Variants in NBPF9 observed in about 807,000 individuals in gnomAD.
NBPF9 encodes NBPF family member NBPF9.
NBPF9 carries 91 observed loss-of-function variants against 97.8 expected under a neutral mutation model. That is an observed-to-expected ratio of 0.93 (90% CI 0.79 to 1.11). The LOEUF (loss-of-function observed/expected upper bound fraction) is 1.11, where lower values mean the gene tolerates loss of function less well. Among genes scored for constraint, NBPF9 ranks in the 50% least tolerant of loss-of-function variants. The pLI is 0.00. For synonymous variants in NBPF9, 334 were observed against 359.5 expected (o/e 0.93, Z 0.80); for missense variants, 992 against 939.5 (o/e 1.06, Z -0.73).
In NBPF9 at chr1:149,080,128, T is replaced by C. The variant is rs376250614; in HGVS notation, c.203A>G (p.Lys68Arg). The C allele has an allele frequency of 2.2e-6, 3 of 1,389,450 alleles. No homozygotes were observed. The African/African-American group carries it at 4.2e-5, about 19-fold the overall frequency. 86.1% of individuals were successfully genotyped at this position (1,389,450 alleles called of 1,614,324 possible). ...CTGTCGCTCATTCCTCAGCATAAAT[T>C]TTATGAGGTCTTTACACTCTTCATA... The change falls in exon 8 of 30, where the codon AAA becomes AGA. Residue 68 changes from lysine (K) to arginine (R), a missense_variant. This residue lies in a region of NBPF9 where 23 missense variants were observed against 58.0 expected (regional missense o/e 0.40). Coordinates refer to ENST00000584027, the Ensembl canonical transcript of NBPF9.
intron 4 of NBPF9, among the ~76,000 whole-genome samples, chr1:149,094,688 C>G (rs2081627800): frequency 6.8e-6 from 1 of 148,058 alleles, no homozygotes; most frequent in South Asian, 2.1e-4. Flanking sequence ...ATGGAAAGAG[C>G]TAGGCAGTCA....
chr1:149,082,962 T>TTG lies in NBPF9; in HGVS notation c.-194-533_-194-532insCA, dbSNP rs2080636085. ...GCCTGGCTAATTTTTCTTTTCTTTT[T>TTG]TTTTTTTTTTTTTTTTTTTTGTATT... On this transcript the variant is annotated intron_variant, in intron 5 of 29. Transcript: ENST00000584027. 1.9e-5 allele frequency among the ~76,000 whole-genome samples: 2 copies of TTG among 102,650 alleles called. 1 individual carries two copies. Among genetic ancestry groups the TTG allele is most frequent in the Admixed American group, 1.9e-4 (2 of 10,608 alleles). 67.3% of individuals were successfully genotyped at this position (102,650 alleles called of 152,430 possible).
intron 8 of NBPF9, among the ~76,000 whole-genome samples, chr1:149,079,432 G>A (rs1327600119): frequency 5.9e-5 from 9 of 151,724 alleles, no homozygotes; most frequent in Admixed American, 1.3e-4. Context: ...CAAGATCCTC[G>A]ATGATGTTCC....
At chr1:149,079,770 G>A (rs2080245800) in intron 8 of NBPF9, among the ~76,000 whole-genome samples, 1 of 151,854 alleles carries the variant, frequency 6.6e-6, no homozygotes, top group Non-Finnish European at 1.5e-5. Flanking sequence ...TATACTGAAT[G>A]CTGCTAGGTG....
chr1:149,084,697 G>A (rs1189230716), intron 5 of NBPF9, among the ~76,000 whole-genome samples: 18 of 151,472 alleles, frequency 1.2e-4, no homozygotes, highest in Admixed American at 3.9e-4. Flanking sequence ...CTGGGCCGCC[G>A]TCCCAGGGAA....
At chr1:149,080,832 G>T (rs2080367140) in intron 7 of NBPF9, among the ~76,000 whole-genome samples, 1 of 148,402 alleles carries the variant, frequency 6.7e-6, no homozygotes, top group Non-Finnish European at 1.5e-5. Flanking sequence ...TGTTCAAGGA[G>T]ATTGACAGGA....
Position 149,073,909 on chromosome 1 carries a change from G to A in NBPF9, c.989-39C>T, listed in dbSNP as rs1334363957. Reference sequence around the variant, plus strand: ...GACACGCCTGCCTCAGTGGAAGGCTGGACATGCTGCTGTGGTCACTGCCTA... The same window carrying A: ...GACACGCCTGCCTCAGTGGAAGGCTAGACATGCTGCTGTGGTCACTGCCTA... On this transcript the variant is annotated intron_variant, in intron 12 of 29. Coordinates refer to ENST00000584027, the Ensembl canonical transcript of NBPF9. 15 of 1,345,142 alleles carry A rather than the reference G, an allele frequency of 1.1e-5. 1 individual carries two copies. The highest frequency in any genetic ancestry group is 1.5e-5 in the Non-Finnish European group (14 of 949,646). The allele number at this position is 1,345,142 out of a possible 1,614,324, so 83.3% of individuals were successfully genotyped here. A position where few individuals can be genotyped will look rare whatever the true frequency, so the allele number is the denominator to read the frequency against.
Position 149,073,757 on chromosome 1 carries a change from G to T in NBPF9, c.1091+11C>A, listed in dbSNP as rs781925727. On this transcript the variant is annotated intron_variant, in intron 13 of 29. Coordinates refer to ENST00000584027, the Ensembl canonical transcript of NBPF9. ...CCTGCCCCCCTGCCTGCCCCCATGGGGTCCCCTCACCTGAGCTCCTCAGCT... is the reference window on the plus strand; with the variant it reads ...CCTGCCCCCCTGCCTGCCCCCATGGTGTCCCCTCACCTGAGCTCCTCAGCT... 37 of 1,580,076 alleles carry T rather than the reference G, an allele frequency of 2.3e-5. 1 individual carries two copies. Among genetic ancestry groups the T allele is most frequent in the Non-Finnish European group, 2.9e-5 (33 of 1,156,610 alleles).
intron 14 of NBPF9, 128 bp downstream of exon 14, chr1:149,072,590 C>G (rs2079502860): frequency 7.0e-7 from 1 of 1,432,350 alleles, no homozygotes; most frequent in Non-Finnish European, 9.8e-7. Flanking sequence ...AAGTCCTTGT[C>G]ATGTCATGGC....
chr1:149,102,662 A>AAGAC (rs1430637993), intron 2 of NBPF9, 67 bp downstream of exon 2: 2 of 149,260 alleles, frequency 1.3e-5, no homozygotes, highest in African/African-American at 4.9e-5. Context: ...ACAAGCCAGA[A>AAGAC]AGACAGATAC....
At position 149,080,348 on chromosome 1, in the gene NBPF9, G is replaced by A. The variant is rs1164502581; in HGVS notation, c.176-193C>T. ...ATCTGATCCTCCAAAATTTAAAGAC[G>A]AAGAAAGAGAACCTCAAGGGCGCAT... On this transcript the variant is annotated intron_variant, in intron 7 of 29. Coordinates refer to ENST00000584027, the Ensembl canonical transcript of NBPF9. 1.1e-4 allele frequency among the ~76,000 whole-genome samples: 16 copies of A among 150,160 alleles called. 1 individual carries two copies. The highest frequency in any genetic ancestry group is 4.3e-4 in the East Asian group (2 of 4,682).
chr1:149,056,121 CAG>C, intron 29 of NBPF9, among the ~76,000 whole-genome samples: 1 of 152,008 alleles, frequency 6.6e-6, no homozygotes, highest in African/African-American at 2.4e-5. Context: ...GAGACAGAGA[CAG>C]AGAGAAAGTG....
intron 29 of NBPF9, 71 bp from the exon 30 acceptor site, chr1:149,055,970 G>C (rs1285247111): frequency 2.0e-5 from 32 of 1,611,454 alleles, no homozygotes; most frequent in African/African-American, 1.6e-4. Context: ...CTAGATTTCA[G>C]AAGTAACATA....
At chr1:149,059,617 C>A in intron 25 of NBPF9, 83 bp downstream of exon 25, 1 of 532,838 alleles carries the variant, frequency 1.9e-6, no homozygotes, top group Non-Finnish European at 3.4e-6. Context: ...GAAAACGTGA[C>A]ATCAAACACA....
chr1:149,075,962 T>C (rs1448697520), intron 11 of NBPF9, 98 bp from the exon 12 acceptor site: 6 of 1,026,572 alleles, frequency 5.8e-6, no homozygotes, highest in Non-Finnish European at 9.3e-6. Context: ...CCTTGTTTAC[T>C]TATTTGAAGA....
At chr1:149,062,799 C>A (rs587679149) in intron 21 of NBPF9, 63 bp downstream of exon 21, 17 of 761,360 alleles carry the variant, frequency 2.2e-5, no homozygotes, top group Non-Finnish European at 4.8e-6. Flanking sequence ...CTCTTGTTTT[C>A]CCTGGACCTG....
At chr1:149,058,780 A>G in intron 26 of NBPF9, 145 bp downstream of exon 26, 1 of 666,652 alleles carries the variant, frequency 1.5e-6, no homozygotes. Flanking sequence ...CTGAGACTAC[A>G]GTTTCATTAC....
At chr1:149,100,656 G>A (rs1199872843) in intron 3 of NBPF9, among the ~76,000 whole-genome samples, 6 of 152,174 alleles carry the variant, frequency 3.9e-5, no homozygotes, top group East Asian at 1.9e-4. Flanking sequence ...AATCACAGCC[G>A]GGTGGGGTGG....
At chr1:149,084,236 CACACGTATATATATATAATATATAT>C (rs1310465020) in intron 5 of NBPF9, among the ~76,000 whole-genome samples, 3 of 143,794 alleles carry the variant, frequency 2.1e-5, no homozygotes, top group East Asian at 2.1e-4. Context: ...ACCAACATGG[CACACGTATATATATATAATATATAT>C]ACACGTGTAT....
Sources: allele counts gnomAD v4.1 joint callset (sites outside exome capture counted in the v4.1 genomes callset), GRCh38; gene constraint gnomAD v4.1.1; regional missense constraint gnomAD v4.1.1; transcripts MANE v1.5; gene names NCBI Gene and HGNC (gene_info 2026-07-23, HGNC 2026-07-21).